Variants in CADPS2 observed in about 807,000 individuals in gnomAD.
CADPS2 encodes the protein calcium dependent secretion activator 2.
CADPS2 carries 93 observed loss-of-function variants against 172.5 expected under a neutral mutation model. The ratio of observed to expected loss-of-function variants is 0.54; its 90% CI spans 0.46 to 0.64. The LOEUF is 0.64. CADPS2 is among the 30% of genes least tolerant of loss of function. CADPS2 has a pLI of 0.00. For missense variants in CADPS2, 1,420 were observed against 1,565.9 expected (o/e 0.91, Z 1.57); for synonymous variants, 546 against 555.2 (o/e 0.98, Z 0.23).
intron 14 of CADPS2, among the ~76,000 whole-genome samples, chr7:122,461,309 A>G (rs992552546): frequency 2.0e-5 from 3 of 152,224 alleles, no homozygotes; most frequent in Non-Finnish European, 4.4e-5. Flanking sequence ...ACAATATTTA[A>G]AGAGATAATG....
intron 2 of CADPS2, among the ~76,000 whole-genome samples, chr7:122,717,502 T>C (rs1167634820): frequency 6.6e-6 from 1 of 152,166 alleles, no homozygotes; most frequent in African/African-American, 2.4e-5. Flanking sequence ...TGGTTAAATG[T>C]TTCTATGTGG....
chr7:122,591,816 C>A (rs950330877), intron 6 of CADPS2, among the ~76,000 whole-genome samples: 1 of 152,162 alleles, frequency 6.6e-6, no homozygotes, highest in East Asian at 1.9e-4. Context: ...TCCTTCCTTA[C>A]ACCTTATACA....
In CADPS2 at chr7:122,696,938, C is replaced by G. The variant is rs372787501; in HGVS notation, c.454-33369G>C. Among the ~76,000 whole-genome samples, 8 of 152,130 alleles carry G rather than the reference C, an allele frequency of 5.3e-5. No individual in the cohort carries two copies. The East Asian group carries it at 7.7e-4, about 15-fold the overall frequency. ...ATATAGTGAACAAAAGAAACATGAC[C>G]ATATCATAATAATAATAATTTCTAT... On this transcript the variant is annotated intron_variant, in intron 2 of 29. Coordinates refer to ENST00000449022, the MANE Select transcript of CADPS2 (RefSeq NM_017954.11).
intron 1 of CADPS2, among the ~76,000 whole-genome samples, chr7:122,870,821 C>G (rs1296987616): frequency 6.6e-6 from 1 of 151,948 alleles, no homozygotes; most frequent in Non-Finnish European, 1.5e-5. Context: ...TAGTTCCTAC[C>G]ACATGAAATC....
At chr7:122,492,739 A>T (rs2058407595) in intron 9 of CADPS2, among the ~76,000 whole-genome samples, 1 of 151,918 alleles carries the variant, frequency 6.6e-6, no homozygotes, top group Non-Finnish European at 1.5e-5. Context: ...TCACATCGTC[A>T]CCCAGGCTGG....
intron 8 of CADPS2, among the ~76,000 whole-genome samples, chr7:122,521,655 C>T (rs2060807473): frequency 6.6e-6 from 1 of 151,928 alleles, no homozygotes. Flanking sequence ...GGATCTTCAT[C>T]AAACAAAATT....
chr7:122,712,667 T>C (rs1291036686), intron 2 of CADPS2, among the ~76,000 whole-genome samples: 2 of 152,096 alleles, frequency 1.3e-5, no homozygotes, highest in East Asian at 3.9e-4. Context: ...GTTTGGGCTG[T>C]TATAACAAAT....
chr7:122,626,177 T>C (rs1379116721), intron 4 of CADPS2, among the ~76,000 whole-genome samples: 1 of 145,972 alleles, frequency 6.9e-6, no homozygotes, highest in Non-Finnish European at 1.5e-5. Flanking sequence ...TTTTAGGAAC[T>C]TTTCTTTTTT....
intron 1 of CADPS2, among the ~76,000 whole-genome samples, chr7:122,877,370 T>C (rs1821468868): frequency 6.6e-6 from 1 of 152,172 alleles, no homozygotes; most frequent in South Asian, 2.1e-4. Flanking sequence ...AACAAGGGCT[T>C]TGGCAACAAG....
intron 3 of CADPS2, among the ~76,000 whole-genome samples, chr7:122,656,146 G>C (rs572405004): frequency 1.3e-5 from 2 of 152,286 alleles, no homozygotes; most frequent in African/African-American, 4.8e-5. Flanking sequence ...TGGGTGCAGA[G>C]AGTAAGAAAT....
chr7:122,674,611 C>T (rs541151682), intron 2 of CADPS2, among the ~76,000 whole-genome samples: 1 of 152,340 alleles, frequency 6.6e-6, no homozygotes, highest in East Asian at 1.9e-4. Flanking sequence ...GCTGTCTAAA[C>T]AAGGCTTCAA....
chr7:122,352,962 C>T (rs889839566), intron 27 of CADPS2, among the ~76,000 whole-genome samples: 3 of 152,108 alleles, frequency 2.0e-5, no homozygotes, highest in Admixed American at 1.3e-4. Context: ...GCATGGGAGC[C>T]GGAAGCATCA....
chr7:122,655,633 T>C (rs1036603475), intron 3 of CADPS2, among the ~76,000 whole-genome samples: 17 of 152,132 alleles, frequency 1.1e-4, no homozygotes, highest in Admixed American at 7.9e-4. Context: ...CCTGCTTTAT[T>C]GCAATATTCA....
chr7:122,373,871 A>C (rs914245279), intron 25 of CADPS2, among the ~76,000 whole-genome samples: 4 of 152,296 alleles, frequency 2.6e-5, no homozygotes, highest in Non-Finnish European at 1.5e-5. Flanking sequence ...AAAAAACCCC[A>C]AAAAACAGAA....
chr7:122,329,221 TAAC>T (rs1295313926), intron 28 of CADPS2, among the ~76,000 whole-genome samples: 1 of 152,164 alleles, frequency 6.6e-6, no homozygotes, highest in African/African-American at 2.4e-5. Context: ...AGTCTTGAAT[TAAC>T]AAACCAAAGC....
intron 7 of CADPS2, among the ~76,000 whole-genome samples, chr7:122,556,323 T>A (rs752391986): frequency 6.6e-6 from 1 of 152,128 alleles, no homozygotes; most frequent in Admixed American, 6.6e-5. Flanking sequence ...GATAGATCTC[T>A]ATATCCTCTG....
rs1188298705 is a variant in CADPS2 at position 122,320,100 on chromosome 7, A to G, written c.*65T>C. On this transcript the variant is annotated 3_prime_UTR_variant, in exon 30 of 30. Transcript: ENST00000449022. ...AAACAATGAATGTAATTACAAGGAC[A>G]AGGTTAAAAAAATAAAAAACAATGT... The G allele has an allele frequency of 2.2e-6, 3 of 1,354,674 alleles. No individual in the cohort carries two copies. Among genetic ancestry groups the G allele is most frequent in the Admixed American group, 5.5e-5 (2 of 36,216 alleles). 83.9% of individuals were successfully genotyped at this position (1,354,674 alleles called of 1,614,324 possible).
At chr7:122,595,328 C>A (rs2071587524) in intron 6 of CADPS2, among the ~76,000 whole-genome samples, 1 of 152,060 alleles carries the variant, frequency 6.6e-6, no homozygotes, top group Admixed American at 6.6e-5. Flanking sequence ...ATAACTAGTA[C>A]TTTCTTTACA....
chr7:122,742,332 T>C (rs1219823455), intron 1 of CADPS2, among the ~76,000 whole-genome samples: 5 of 151,716 alleles, frequency 3.3e-5, no homozygotes, highest in Middle Eastern at 3.4e-3. Context: ...GAGGCAGAGG[T>C]TGCAGTGAGC....
Sources: gnomAD v4.1 joint callset for allele counts (sites outside exome capture counted in the v4.1 genomes callset) on GRCh38, gnomAD v4.1.1 for gene constraint, MANE v1.5 for transcripts, NCBI Gene and HGNC (gene_info 2026-07-23, HGNC 2026-07-21) for gene names.